SUSD5: variants seen among roughly 807,000 people sequenced by gnomAD.
The protein encoded by SUSD5 is sushi domain containing 5.
A neutral mutation model predicts 29.5 loss-of-function variants in SUSD5; 33 were observed. That is an observed-to-expected ratio of 1.12 (90% CI 0.85 to 1.49). SUSD5 has a LOEUF of 1.49. Among genes scored for constraint, SUSD5 ranks in the 40% most tolerant of loss-of-function variants. The probability of loss-of-function intolerance (pLI) is 0.00; values close to 1 mark genes in which losing one functional copy is unlikely to be tolerated. For missense variants in SUSD5, 776 were observed against 800.6 expected (o/e 0.97, Z 0.37); for synonymous variants, 308 against 325.3 (o/e 0.95, Z 0.57).
Position 33,150,313 on chromosome 3 carries a change from T to G in SUSD5, c.*2429A>C, listed in dbSNP as rs2125610729. The G allele has an allele frequency of 6.6e-6, 1 of 152,274 alleles. No homozygotes were observed. The highest frequency in any genetic ancestry group is 3.4e-3 in the Middle Eastern group (1 of 294). 9.4% of individuals were successfully genotyped at this position (152,274 alleles called of 1,614,324 possible). On this transcript the variant is annotated 3_prime_UTR_variant, in exon 5 of 5. Transcript: ENST00000309558. ...TCTACAAATAAAACATTTACCTGTA[T>G]TAATAATTTGTAATAAATTTATTAA...
rs68055129 is a variant in SUSD5, at chr3:33,183,930, C to CTTTTTTTTTTT, written c.410-8867_410-8857dup. Among the ~76,000 whole-genome samples, 94 of 62,598 alleles carry CTTTTTTTTTTT rather than the reference C, an allele frequency of 1.5e-3. 5 individuals carry two copies. The highest frequency in any genetic ancestry group is 2.0e-3 in the Admixed American group (10 of 5,092). The allele number at this position is 62,598 out of a possible 152,430, so 41.1% of individuals were successfully genotyped here. On this transcript the variant is annotated intron_variant, in intron 3 of 4. Transcript: ENST00000309558. ...AACACTTTAAATATTTTATTACCCT[C>CTTTTTTTTTTT]TTTTTTTTTTTTTTTTTTTTTTTTT...
Position 33,152,784 on chromosome 3 carries a change from C to T in SUSD5, c.1848G>A (p.Gln616=), listed in dbSNP as rs751638314. The change falls in exon 5 of 5, where the codon CAG becomes CAA. Residue 616 remains glutamine (Q), a synonymous_variant. Coordinates refer to ENST00000309558, the MANE Select transcript of SUSD5 (RefSeq NM_015551.2). ...SVYKLNVGQR[Q]ARHYHQQIEM... ...CGATCTGCTGGTGGTAGTGCCGAGC[C>T]TGCCGCTGGCCAACATTCAGCTTGT... 7 of 1,613,610 alleles carry T rather than the reference C, an allele frequency of 4.3e-6. No individual in the cohort carries two copies. The highest frequency in any genetic ancestry group is 5.1e-6 in the Non-Finnish European group (6 of 1,179,650).
chr3:33,190,812 A>G (rs911162134), intron 3 of SUSD5, among the ~76,000 whole-genome samples: 2 of 152,172 alleles, frequency 1.3e-5, no homozygotes, highest in Admixed American at 6.5e-5. Flanking sequence ...TTCATTAAGC[A>G]GAGAAGATTT....
At chr3:33,173,119 T>A (rs1359537293) in intron 4 of SUSD5, among the ~76,000 whole-genome samples, 1 of 152,206 alleles carries the variant, frequency 6.6e-6, no homozygotes, top group Non-Finnish European at 1.5e-5. Flanking sequence ...CACAAAGAAA[T>A]TCTAATGCCC....
intron 3 of SUSD5, among the ~76,000 whole-genome samples, chr3:33,186,559 TG>T (rs2031783807): frequency 6.6e-6 from 1 of 151,648 alleles, no homozygotes; most frequent in Non-Finnish European, 1.5e-5. Context: ...CCTGAGCAGC[TG>T]GGACTACAGG....
intron 3 of SUSD5, among the ~76,000 whole-genome samples, chr3:33,182,506 T>A (rs2031693078): frequency 6.6e-6 from 1 of 152,196 alleles, no homozygotes; most frequent in South Asian, 2.1e-4. Flanking sequence ...TGTCCATTTC[T>A]GACAGAGGGG....
At position 33,152,419 on chromosome 3, in the gene SUSD5, C is replaced by CA. The variant is rs370617432; in HGVS notation, c.*322dup. 0.053 allele frequency: 11,654 copies of CA among 219,004 alleles called. 360 individuals are homozygous for CA. The highest frequency in any genetic ancestry group is 0.14 in the African/African-American group (5,844 of 41,352). 13.6% of individuals were successfully genotyped at this position (219,004 alleles called of 1,614,324 possible). On this transcript the variant is annotated 3_prime_UTR_variant, in exon 5 of 5. Coordinates refer to ENST00000309558, the MANE Select transcript of SUSD5 (RefSeq NM_015551.2). Reference sequence around the variant, plus strand: ...TGGGCAACAGCATGAGACTCTGTCTCAAAAAAAAAAAGATAATACTGTGAT... The same window carrying CA: ...TGGGCAACAGCATGAGACTCTGTCTCAAAAAAAAAAAAGATAATACTGTGAT...
At chr3:33,166,822 A>G (rs979457312) in intron 4 of SUSD5, among the ~76,000 whole-genome samples, 1 of 152,210 alleles carries the variant, frequency 6.6e-6, no homozygotes, top group Non-Finnish European at 1.5e-5. Flanking sequence ...AGAATGATAA[A>G]TGACTTTTGA....
Position 33,152,464 on chromosome 3 carries a change from G to T in SUSD5, c.*278C>A. On this transcript the variant is annotated 3_prime_UTR_variant, in exon 5 of 5. Transcript: ENST00000309558. Reference sequence around the variant, plus strand: ...TGTGATGAAGGAAGAGGCGATTTTTGACCTCACACTGGAAACAGGGCCCAA... The same window carrying T: ...TGTGATGAAGGAAGAGGCGATTTTTTACCTCACACTGGAAACAGGGCCCAA... The T allele has an allele frequency of 2.0e-5, 8 of 391,574 alleles. No homozygotes were observed. Among genetic ancestry groups the T allele is most frequent in the East Asian group, 4.2e-5 (1 of 23,550 alleles). 24.3% of individuals were successfully genotyped at this position (391,574 alleles called of 1,614,324 possible).
chr3:33,213,664 C>G (rs1237392818), intron 2 of SUSD5, among the ~76,000 whole-genome samples: 1 of 151,758 alleles, frequency 6.6e-6, no homozygotes, highest in South Asian at 2.1e-4. Context: ...ATCCCAGCTA[C>G]TCGGGAGGCT....
chr3:33,175,295 T>C (rs1449221148), intron 3 of SUSD5, among the ~76,000 whole-genome samples: 2 of 152,172 alleles, frequency 1.3e-5, no homozygotes, highest in African/African-American at 2.4e-5. Context: ...AAACGCCACA[T>C]AAAGTGCTGC....
At chr3:33,200,175 G>A (rs1429162027) in intron 3 of SUSD5, among the ~76,000 whole-genome samples, 1 of 152,190 alleles carries the variant, frequency 6.6e-6, no homozygotes, top group African/African-American at 2.4e-5. Flanking sequence ...CGTCTACCAT[G>A]TGAAGACTCC....
intron 3 of SUSD5, among the ~76,000 whole-genome samples, chr3:33,192,390 G>A (rs1471863974): frequency 6.6e-6 from 1 of 151,480 alleles, no homozygotes; most frequent in East Asian, 2.0e-4. Context: ...ACCCCGCCCG[G>A]CCTAATGCAC....
At chr3:33,181,071 T>A (rs2031661884) in intron 3 of SUSD5, among the ~76,000 whole-genome samples, 1 of 151,644 alleles carries the variant, frequency 6.6e-6, no homozygotes, top group Non-Finnish European at 1.5e-5. Context: ...AGTTGTACAA[T>A]GTGTTTTTAA....
chr3:33,205,387 ATTTGAG>A (rs2032199702), intron 3 of SUSD5, among the ~76,000 whole-genome samples: 1 of 152,118 alleles, frequency 6.6e-6, no homozygotes, highest in Admixed American at 6.5e-5. Flanking sequence ...ATGTTCTTCA[ATTTGAG>A]TTTGGTTAAT....
chr3:33,175,547 T>TACAC (rs543958828), intron 3 of SUSD5, among the ~76,000 whole-genome samples: 241 of 149,156 alleles, frequency 1.6e-3, no homozygotes, highest in African/African-American at 5.8e-3. Context: ...ACACAAAAAT[T>TACAC]ACACACACAC....
At chr3:33,200,125 A>G (rs1054571908) in intron 3 of SUSD5, among the ~76,000 whole-genome samples, 1 of 152,198 alleles carries the variant, frequency 6.6e-6, no homozygotes, top group Non-Finnish European at 1.5e-5. Flanking sequence ...GAATGGGACT[A>G]GTGCCCTTAT....
chr3:33,195,867 A>C (rs1265691653), intron 3 of SUSD5, among the ~76,000 whole-genome samples: 1 of 152,174 alleles, frequency 6.6e-6, no homozygotes, highest in Admixed American at 6.6e-5. Context: ...GGGAAGACTG[A>C]TTATGAGAGA....
chr3:33,154,459 G>A (rs560260311), intron 4 of SUSD5, among the ~76,000 whole-genome samples: 13 of 152,270 alleles, frequency 8.5e-5, no homozygotes, highest in East Asian at 1.9e-4. Context: ...GAAGGCGGAC[G>A]TTGCAGTGAG....
Sources: gnomAD v4.1 joint callset for allele counts (sites outside exome capture counted in the v4.1 genomes callset) on GRCh38, gnomAD v4.1.1 for gene constraint, MANE v1.5 for transcripts, NCBI Gene and HGNC (gene_info 2026-07-23, HGNC 2026-07-21) for gene names.